The following SLC30A6 variants were observed in gnomAD, a reference collection of about 807,000 sequenced individuals.
The protein encoded by SLC30A6 is solute carrier family 30 member 6, also known as zinc transporter 6.
SLC30A6 carries 55 observed loss-of-function variants against 63.0 expected under a neutral mutation model. That is an observed-to-expected ratio of 0.87 (90% CI 0.70 to 1.09). The LOEUF is 1.09. SLC30A6 is among the 50% of genes least tolerant of loss of function. SLC30A6 has a pLI of 0.00. For missense variants in SLC30A6, 587 were observed against 549.2 expected, an observed-to-expected ratio of 1.07 and a Z score of -0.69; for synonymous variants, 224 against 186.1, an observed-to-expected ratio of 1.20 and a Z score of -1.66.
At chr2:32,188,132 T>C (rs1683001733) in intron 5 of SLC30A6, among the ~76,000 whole-genome samples, 1 of 152,166 alleles carries the variant, frequency 6.6e-6, no homozygotes, top group African/African-American at 2.4e-5. Flanking sequence ...CTGACTTTCT[T>C]TTTGTTGTTT....
chr2:32,211,228 G>T (rs1419563610), intron 13 of SLC30A6, among the ~76,000 whole-genome samples: 2 of 152,092 alleles, frequency 1.3e-5, no homozygotes, highest in African/African-American at 4.8e-5. Context: ...ATACATCATC[G>T]AATAACCTAG....
Position 32,204,637 on chromosome 2 carries a change from T to A in SLC30A6, c.713T>A (p.Met238Lys). 6.2e-7 allele frequency: 1 copy of A among 1,613,050 alleles called. No individual in the cohort carries two copies. Among genetic ancestry groups the A allele is most frequent in the Non-Finnish European group, 8.5e-7 (1 of 1,179,398 alleles). ...DTASAIAIAL[M>K]TFGTMYPMSV... ...GCCTCTGCTATAGCTATTGCCTTGA[T>A]GACATTTGGCACTATGTATCCCATG... The change falls in exon 11 of 14, where the codon ATG becomes AAG. Residue 238 changes from methionine to lysine, a missense_variant. By Grantham distance (95) the Met-to-Lys change is moderately conservative (BLOSUM62 -1). Coordinates refer to ENST00000282587, the MANE Select transcript of SLC30A6 (RefSeq NM_017964.5).
chr2:32,206,542 C>T (rs1447155425), intron 11 of SLC30A6, among the ~76,000 whole-genome samples: 4 of 152,114 alleles, frequency 2.6e-5, no homozygotes, highest in Admixed American at 2.0e-4. Context: ...GCAGTAGTTC[C>T]ATCTCCAGAA....
intron 4 of SLC30A6, among the ~76,000 whole-genome samples, chr2:32,177,944 ATTT>A (rs1042062133): frequency 2.5e-5 from 3 of 120,456 alleles, no homozygotes; most frequent in Non-Finnish European, 1.8e-5. Context: ...TTTTGAGTTA[ATTT>A]TTTTTTTTTT....
intron 12 of SLC30A6, 40 bp downstream of exon 12, chr2:32,206,973 C>G: frequency 1.3e-6 from 2 of 1,486,284 alleles, no homozygotes; most frequent in Non-Finnish European, 9.4e-7. Context: ...TATTTTATAT[C>G]AGGGAATTGA....
intron 10 of SLC30A6, among the ~76,000 whole-genome samples, chr2:32,198,287 T>G (rs564726381): frequency 6.6e-6 from 1 of 152,352 alleles, no homozygotes; most frequent in South Asian, 2.1e-4. Flanking sequence ...GAATTTGTCC[T>G]TATTGTTCTT....
At chr2:32,213,111 T>C (rs1685400796) in intron 13 of SLC30A6, among the ~76,000 whole-genome samples, 1 of 151,898 alleles carries the variant, frequency 6.6e-6, no homozygotes, top group African/African-American at 2.4e-5. Context: ...CTTGCTGTGT[T>C]GCCTAGGCTG....
intron 13 of SLC30A6, among the ~76,000 whole-genome samples, chr2:32,218,520 C>CTTTTG (rs57425197): frequency 0.11 from 15,235 of 143,048 alleles, 1,022 homozygotes; most frequent in East Asian, 0.3. Flanking sequence ...CAGCTCTCCT[C>CTTTTG]TTTTGTTTTG....
In SLC30A6 at chr2:32,171,311, C is replaced by T; in HGVS notation, c.28C>T (p.Pro10Ser). 2 of 1,613,604 alleles carry T rather than the reference C, an allele frequency of 1.2e-6. No individual in the cohort carries two copies. The highest frequency in any genetic ancestry group is 1.7e-6 in the Non-Finnish European group (2 of 1,179,718). MGTIHLFRK[P>S]QRSFFGKLLR... is the part of the protein sequence containing the mutation. ...GGGGACAATTCATCTCTTTCGAAAA[C>T]CACAAAGATCCTTTTTTGGCAAGTT... The change falls in exon 2 of 14, where the codon CCA becomes TCA. Residue 10 changes from proline to serine, a missense_variant. Transcript: ENST00000282587.
At chr2:32,190,319 CATG>C (rs1170868118) in intron 5 of SLC30A6, among the ~76,000 whole-genome samples, 2 of 151,994 alleles carry the variant, frequency 1.3e-5, no homozygotes, top group Non-Finnish European at 1.5e-5. Flanking sequence ...ATTAGCCACA[CATG>C]GTGGTGGGTG....
At chr2:32,192,889 C>T (rs1317463360) in intron 6 of SLC30A6, 29 bp from the exon 7 acceptor site, 1 of 1,378,840 alleles carries the variant, frequency 7.3e-7, no homozygotes, top group Non-Finnish European at 9.8e-7. Flanking sequence ...ATTTATAGGA[C>T]TTATTTAATA....
intron 12 of SLC30A6, among the ~76,000 whole-genome samples, chr2:32,207,721 G>C (rs58848955): frequency 1.0e-5 from 1 of 97,766 alleles, no homozygotes; most frequent in Non-Finnish European, 1.9e-5. Flanking sequence ...TTTTTTCTGA[G>C]ATGGAGTCTC....
At position 32,183,508 on chromosome 2, in the gene SLC30A6, C is replaced by T. The variant is rs1025030593; in HGVS notation, c.219-765C>T. ...ACCAGCCTGGCCAACATGACGAAAC[C>T]TCGTCTCTACTAAAAAAAAATATAT... On this transcript the variant is annotated intron_variant, in intron 4 of 13. Transcript: ENST00000282587. Among the ~76,000 whole-genome samples, 45 of 151,496 alleles carry T rather than the reference C, an allele frequency of 3.0e-4. 1 individual carries two copies. The highest frequency in any genetic ancestry group is 2.8e-3 in the Admixed American group (43 of 15,190).
chr2:32,186,719 C>G (rs212744), intron 5 of SLC30A6, among the ~76,000 whole-genome samples: 76,995 of 150,378 alleles, frequency 0.51, 19,855 homozygotes, highest in African/African-American at 0.54. Context: ...TTTGGGGAGT[C>G]AGATGCAGTG....
At chr2:32,193,171 A>G (rs1238327171) in intron 7 of SLC30A6, among the ~76,000 whole-genome samples, 5 of 152,128 alleles carry the variant, frequency 3.3e-5, no homozygotes, top group African/African-American at 4.8e-5. Context: ...AGGCCTTTCT[A>G]TCTTGGCTTC....
At chr2:32,190,264 G>A (rs1683208420) in intron 5 of SLC30A6, among the ~76,000 whole-genome samples, 1 of 152,010 alleles carries the variant, frequency 6.6e-6, no homozygotes, top group South Asian at 2.1e-4. Flanking sequence ...TTGGAAACCA[G>A]CCTGACCAAC....
intron 1 of SLC30A6, among the ~76,000 whole-genome samples, chr2:32,171,001 TAA>T (rs869037141): frequency 3.9e-5 from 6 of 152,284 alleles, no homozygotes; most frequent in African/African-American, 1.2e-4. Flanking sequence ...CATTTAAAAA[TAA>T]AGAGTGTGGT....
chr2:32,181,299 CTTATT>C (rs1384501059), intron 4 of SLC30A6, among the ~76,000 whole-genome samples: 1 of 152,128 alleles, frequency 6.6e-6, no homozygotes, highest in Non-Finnish European at 1.5e-5. Context: ...AAGACAAATA[CTTATT>C]TTATGTGTCC....
At chr2:32,219,889 C>G (rs1258974578) in intron 13 of SLC30A6, among the ~76,000 whole-genome samples, 1 of 152,180 alleles carries the variant, frequency 6.6e-6, no homozygotes, top group Non-Finnish European at 1.5e-5. Flanking sequence ...TTGAAGTCCT[C>G]TTCAATTGGA....
Sources: allele counts gnomAD v4.1 joint callset (sites outside exome capture counted in the v4.1 genomes callset), GRCh38; gene constraint gnomAD v4.1.1; transcripts MANE v1.5; gene names NCBI Gene and HGNC (gene_info 2026-07-23, HGNC 2026-07-21).